CNST: variants seen among roughly 807,000 people sequenced by gnomAD.
The protein encoded by CNST is consortin, connexin sorting protein, also known as consortin.
CNST carries 39 observed loss-of-function variants against 72.4 expected under a neutral mutation model. The ratio of observed to expected loss-of-function variants is 0.54; its 90% CI spans 0.42 to 0.70. The LOEUF (loss-of-function observed/expected upper bound fraction) is 0.70. Ranked by LOEUF, CNST falls within the 30% of genes least tolerant of loss-of-function variation. The pLI, the probability that CNST is intolerant of heterozygous loss-of-function variation, is 0.00. For missense variants in CNST, 871 were observed against 868.5 expected (o/e 1.00, Z -0.04); for synonymous variants, 332 against 320.1 (o/e 1.04, Z -0.40).
Position 246,665,709 on chromosome 1 carries a change from G to T in CNST, c.1982G>T (p.Gly661Val), listed in dbSNP as rs1181492714. The T allele has an allele frequency of 6.2e-7, 1 of 1,612,854 alleles. No homozygotes were observed. Among genetic ancestry groups the T allele is most frequent in the East Asian group, 2.2e-5 (1 of 44,884 alleles). The change falls in exon 11 of 11, where the codon GGA (glycine) becomes GTA (valine). Residue 661 changes from glycine (G) to valine (V), a missense_variant. Coordinates refer to ENST00000366513, the MANE Select transcript of CNST (RefSeq NM_152609.3). ...TTTCTCATGTTTGCAGATGAAGTTG[G>T]AGGTGGCTCCTGTATTTTGCTGGTC... ...IDDSLDQDEV[G>V]GGSCILLVLL...
At chr1:246,635,741 C>G (rs1208255359) in intron 6 of CNST, among the ~76,000 whole-genome samples, 163 of 151,924 alleles carry the variant, frequency 1.1e-3, no homozygotes, top group Admixed American at 4.5e-3. Context: ...TTCTATTTAG[C>G]ATATATGTGG....
At chr1:246,598,994 A>G (rs1662076808) in intron 2 of CNST, among the ~76,000 whole-genome samples, 1 of 152,202 alleles carries the variant, frequency 6.6e-6, no homozygotes, top group Non-Finnish European at 1.5e-5. Flanking sequence ...GGACAATGAC[A>G]TGCAGAAACA....
At chr1:246,622,877 G>A (rs1664182630) in intron 3 of CNST, among the ~76,000 whole-genome samples, 1 of 152,128 alleles carries the variant, frequency 6.6e-6, no homozygotes, top group South Asian at 2.1e-4. Context: ...AGGCTGGAGT[G>A]CAGCGGCATG....
intron 8 of CNST, among the ~76,000 whole-genome samples, chr1:246,645,300 GAAAA>G (rs748024794): frequency 7.2e-6 from 1 of 138,944 alleles, no homozygotes. Context: ...GAAAAAGAAA[GAAAA>G]AAAAAGTATC....
intron 10 of CNST, among the ~76,000 whole-genome samples, chr1:246,661,432 T>C (rs1336317601): frequency 6.6e-6 from 1 of 152,234 alleles, no homozygotes; most frequent in African/African-American, 2.4e-5. Context: ...TTCTTTTCAG[T>C]GGACAATTAA....
Position 246,641,961 on chromosome 1 carries a change from C to T in CNST, c.861C>T (p.Ser287=), listed in dbSNP as rs746206552. ...SKHKIAAVEK[S]QERKCSTQLL... ...TTTAGATAGCAGCTGTGGAGAAGTCCCAGGAAAGGAAATGCTCCACGCAGT... is the reference window on the plus strand; with the variant it reads ...TTTAGATAGCAGCTGTGGAGAAGTCTCAGGAAAGGAAATGCTCCACGCAGT... Residue 287 remains serine, a synonymous_variant, in exon 8 of 11, where the codon TCC becomes TCT. Coordinates refer to ENST00000366513, the MANE Select transcript of CNST (RefSeq NM_152609.3). 1.2e-6 allele frequency: 2 copies of T among 1,611,656 alleles called. No homozygotes were observed. Among genetic ancestry groups the T allele is most frequent in the Non-Finnish European group, 1.7e-6 (2 of 1,178,936 alleles).
At chr1:246,638,576 C>T (rs1665460771) in intron 6 of CNST, among the ~76,000 whole-genome samples, 1 of 152,122 alleles carries the variant, frequency 6.6e-6, no homozygotes, top group South Asian at 2.1e-4. Flanking sequence ...TGTCCAGCTG[C>T]TAGAGTGAGA....
At chr1:246,639,962 C>T (rs1055233700) in intron 6 of CNST, among the ~76,000 whole-genome samples, 13 of 152,200 alleles carry the variant, frequency 8.5e-5, no homozygotes, top group East Asian at 5.8e-4. Flanking sequence ...ACGTGTCTTC[C>T]GGCCAGCCCT....
At chr1:246,643,413 A>G (rs1013834250) in intron 8 of CNST, among the ~76,000 whole-genome samples, 1 of 152,152 alleles carries the variant, frequency 6.6e-6, no homozygotes, top group Admixed American at 6.5e-5. Flanking sequence ...TTGGGTGTGA[A>G]CGTGTCTCTG....
intron 1 of CNST, among the ~76,000 whole-genome samples, chr1:246,587,270 G>T (rs924970327): frequency 6.6e-6 from 1 of 152,152 alleles, no homozygotes; most frequent in African/African-American, 2.4e-5. Flanking sequence ...ACTAGTCTCA[G>T]CATTTTATTC....
chr1:246,601,903 G>C (rs565764681), intron 2 of CNST, among the ~76,000 whole-genome samples: 2 of 152,208 alleles, frequency 1.3e-5, no homozygotes, highest in Non-Finnish European at 2.9e-5. Flanking sequence ...GGAATGGAGA[G>C]AGCAGTTTGG....
intron 2 of CNST, among the ~76,000 whole-genome samples, chr1:246,596,988 C>A (rs959832409): frequency 6.6e-6 from 1 of 152,094 alleles, no homozygotes; most frequent in African/African-American, 2.4e-5. Context: ...TGGGTTCTTT[C>A]CACTTTTTGA....
At position 246,644,341 on chromosome 1, in the gene CNST, A is replaced by G. The variant is rs149440500; in HGVS notation, c.937+2304A>G. Reference sequence around the variant, plus strand: ...GAGGCGGAGCTTGCAGTGAGCTGAGATGGCGCCACTGCGCTCCGCCTGGGC... The same window carrying G: ...GAGGCGGAGCTTGCAGTGAGCTGAGGTGGCGCCACTGCGCTCCGCCTGGGC... On this transcript the variant is annotated intron_variant, in intron 8 of 10. Coordinates refer to ENST00000366513, the MANE Select transcript of CNST (RefSeq NM_152609.3). Among the ~76,000 whole-genome samples, 756 of 139,032 alleles carry G rather than the reference A, an allele frequency of 5.4e-3. 10 individuals carry two copies. Among genetic ancestry groups the G allele is most frequent in the African/African-American group, 0.019 (725 of 37,782 alleles). 91.2% of individuals were successfully genotyped at this position (139,032 alleles called of 152,430 possible).
At chr1:246,615,838 A>G (rs1256490520) in intron 2 of CNST, among the ~76,000 whole-genome samples, 2 of 151,906 alleles carry the variant, frequency 1.3e-5, no homozygotes, top group Non-Finnish European at 1.5e-5. Context: ...AGATTGTGCA[A>G]TTGCACTCCA....
At chr1:246,593,346 C>A (rs1176834240) in intron 2 of CNST, among the ~76,000 whole-genome samples, 2 of 146,484 alleles carry the variant, frequency 1.4e-5, no homozygotes, top group South Asian at 4.3e-4. Context: ...TTTTTTGAGG[C>A]GAGTCTCACT....
intron 1 of CNST, among the ~76,000 whole-genome samples, chr1:246,583,924 A>T (rs1660965346): frequency 6.6e-6 from 1 of 152,182 alleles, no homozygotes; most frequent in South Asian, 2.1e-4. Flanking sequence ...AATATATGTG[A>T]ATTTGCCTGT....
intron 2 of CNST, among the ~76,000 whole-genome samples, chr1:246,593,546 G>C (rs1182645951): frequency 4.6e-5 from 7 of 152,052 alleles, no homozygotes; most frequent in Non-Finnish European, 1.0e-4. Context: ...GTTTCACCAT[G>C]TTGGCCAGGC....
intron 1 of CNST, among the ~76,000 whole-genome samples, chr1:246,582,250 C>T (rs1031713588): frequency 6.6e-6 from 1 of 152,142 alleles, no homozygotes; most frequent in East Asian, 1.9e-4. Context: ...CCATCTGTTA[C>T]TGACAGTTAT....
In CNST at chr1:246,666,558, A is replaced by T. The variant is rs567668513; in HGVS notation, c.*653A>T. ...GATGTGCAGGCACAAATCTTTGGAG[A>T]AGGCTTAACTGTGGAATAGATGAAT... is the stretch of plus-strand genomic sequence containing the variant. On this transcript the variant is annotated 3_prime_UTR_variant, in exon 11 of 11. Transcript: ENST00000366513. 6.6e-6 allele frequency: 1 copy of T among 152,508 alleles called. No homozygotes were observed. Among genetic ancestry groups the T allele is most frequent in the Admixed American group, 6.5e-5 (1 of 15,302 alleles). 9.4% of individuals were successfully genotyped at this position (152,508 alleles called of 1,614,324 possible). A position where few individuals can be genotyped will look rare whatever the true frequency, so the allele number is the denominator to read the frequency against.
Sources: gnomAD v4.1 joint callset for allele counts (sites outside exome capture counted in the v4.1 genomes callset) on GRCh38, gnomAD v4.1.1 for gene constraint, MANE v1.5 for transcripts, NCBI Gene and HGNC (gene_info 2026-07-23, HGNC 2026-07-21) for gene names.